B3GALT1: variants seen among roughly 807,000 people sequenced by gnomAD.
The protein encoded by B3GALT1 is UDP-Gal:betaGlcNAc beta 1,3-galactosyltransferase, polypeptide 1.
A neutral mutation model predicts 23.2 loss-of-function variants in B3GALT1; 10 were observed. The observed-to-expected ratio is 0.43, with a 90% CI of 0.27 to 0.73. B3GALT1 has a LOEUF of 0.73. Among genes scored for constraint, B3GALT1 ranks in the 30% least tolerant of loss-of-function variants. The probability of loss-of-function intolerance (pLI) is 0.21; values close to 1 mark genes in which losing one functional copy is unlikely to be tolerated. For missense variants in B3GALT1, 299 were observed against 405.4 expected (o/e 0.74, Z 2.25); for synonymous variants, 156 against 141.5 (o/e 1.10, Z -0.73).
At chr2:167,432,813 G>T (rs543715793) in intron 1 of B3GALT1, among the ~76,000 whole-genome samples, 1 of 152,146 alleles carries the variant, frequency 6.6e-6, no homozygotes, top group Non-Finnish European at 1.5e-5. Flanking sequence ...TGAGCAGGAG[G>T]TACCCAGAGT....
chr2:167,371,808 A>G lies in B3GALT1; in HGVS notation c.-511+78474A>G, dbSNP rs1029513374. Reference sequence around the variant, plus strand: ...TCTGAATCTCTAATAAGAAATATTAAGATGATATTTTTTGCTATAGCAATT... The same window carrying G: ...TCTGAATCTCTAATAAGAAATATTAGGATGATATTTTTTGCTATAGCAATT... On this transcript the variant is annotated intron_variant, in intron 1 of 4. Coordinates refer to ENST00000392690, the MANE Select transcript of B3GALT1 (RefSeq NM_020981.4). Among the ~76,000 whole-genome samples, 12 of 49,352 alleles carry G rather than the reference A, an allele frequency of 2.4e-4. No homozygotes were observed. In the Admixed American group the frequency reaches 4.0e-3, roughly 17 times the overall value. 32.4% of individuals were successfully genotyped at this position (49,352 alleles called of 152,430 possible).
At chr2:167,727,489 C>G (rs1296409163) in intron 3 of B3GALT1, among the ~76,000 whole-genome samples, 1 of 152,126 alleles carries the variant, frequency 6.6e-6, no homozygotes, top group African/African-American at 2.4e-5. Context: ...TCTTCTGATT[C>G]CCAAAGATTC....
At chr2:167,414,405 A>G (rs1175118819) in intron 1 of B3GALT1, among the ~76,000 whole-genome samples, 3 of 152,196 alleles carry the variant, frequency 2.0e-5, no homozygotes, top group Non-Finnish European at 4.4e-5. Flanking sequence ...ATAAGGTGCA[A>G]GAAACCAATT....
At chr2:167,704,183 CAAAAAA>C (rs5836157) in intron 3 of B3GALT1, among the ~76,000 whole-genome samples, 4 of 112,926 alleles carry the variant, frequency 3.5e-5, no homozygotes, top group Non-Finnish European at 6.8e-5. Context: ...TCAGTCTCAA[CAAAAAA>C]AAAAAAAAAA....
At chr2:167,517,161 C>T (rs1002679439) in intron 2 of B3GALT1, among the ~76,000 whole-genome samples, 1 of 151,820 alleles carries the variant, frequency 6.6e-6, no homozygotes, top group South Asian at 2.1e-4. Context: ...AGACTCTCCT[C>T]AGTTGAATTT....
At position 167,673,697 on chromosome 2, in the gene B3GALT1, A is replaced by G. The variant is rs1024465315; in HGVS notation, c.-352+26731A>G. On this transcript the variant is annotated intron_variant, in intron 3 of 4. Coordinates refer to ENST00000392690, the MANE Select transcript of B3GALT1 (RefSeq NM_020981.4). ...TTAAACAAATACTTTTCAAGATAGTATTAATATACCAAATTATCCAATTAG... is the reference window on the plus strand; with the variant it reads ...TTAAACAAATACTTTTCAAGATAGTGTTAATATACCAAATTATCCAATTAG... Among the ~76,000 whole-genome samples, 66 of 152,118 alleles carry G rather than the reference A, an allele frequency of 4.3e-4. 2 individuals are homozygous for G. The highest frequency in any genetic ancestry group is 1.6e-3 in the African/African-American group (65 of 41,464).
intron 2 of B3GALT1, among the ~76,000 whole-genome samples, chr2:167,518,781 T>C (rs1314598492): frequency 6.6e-6 from 1 of 152,214 alleles, no homozygotes; most frequent in Non-Finnish European, 1.5e-5. Flanking sequence ...CCTGGTACTT[T>C]CCTTACAACC....
chr2:167,345,251 T>G (rs1323643397), intron 1 of B3GALT1, among the ~76,000 whole-genome samples: 1 of 151,986 alleles, frequency 6.6e-6, no homozygotes, highest in Non-Finnish European at 1.5e-5. Context: ...TTATGATAGA[T>G]TCAAACACTA....
At chr2:167,711,562 A>T (rs1414676646) in intron 3 of B3GALT1, among the ~76,000 whole-genome samples, 1 of 152,236 alleles carries the variant, frequency 6.6e-6, no homozygotes, top group Non-Finnish European at 1.5e-5. Context: ...AAATAAAATC[A>T]TTCAGTATTT....
At chr2:167,664,785 A>C (rs555528032) in intron 3 of B3GALT1, among the ~76,000 whole-genome samples, 2 of 151,584 alleles carry the variant, frequency 1.3e-5, no homozygotes, top group African/African-American at 4.9e-5. Context: ...GTGTATAAGA[A>C]TGCTTGTGAT....
At chr2:167,693,281 G>A (rs947477905) in intron 3 of B3GALT1, among the ~76,000 whole-genome samples, 7 of 152,068 alleles carry the variant, frequency 4.6e-5, no homozygotes, top group African/African-American at 1.7e-4. Context: ...AACAAAAAAA[G>A]AGATGTCAGC....
chr2:167,413,881 G>A (rs1349223164), intron 1 of B3GALT1, among the ~76,000 whole-genome samples: 1 of 151,510 alleles, frequency 6.6e-6, no homozygotes, highest in Admixed American at 6.6e-5. Flanking sequence ...TTTCTTCTTG[G>A]TTTAAAAGGA....
chr2:167,414,015 C>A (rs1016549325), intron 1 of B3GALT1, among the ~76,000 whole-genome samples: 2 of 151,980 alleles, frequency 1.3e-5, no homozygotes, highest in Non-Finnish European at 2.9e-5. Context: ...TGTTTCCTTT[C>A]TCTATTAGGT....
chr2:167,751,543 A>G (rs760705582), intron 3 of B3GALT1, among the ~76,000 whole-genome samples: 1 of 152,196 alleles, frequency 6.6e-6, no homozygotes, highest in African/African-American at 2.4e-5. Context: ...TTAAGGAATT[A>G]GGAGTTATGA....
intron 3 of B3GALT1, among the ~76,000 whole-genome samples, chr2:167,726,671 T>C (rs138065002): frequency 6.6e-6 from 1 of 152,222 alleles, no homozygotes; most frequent in East Asian, 1.9e-4. Flanking sequence ...ATCCCCAGTT[T>C]ACAGTTGAGG....
intron 3 of B3GALT1, among the ~76,000 whole-genome samples, chr2:167,805,103 C>T (rs1212161275): frequency 2.0e-5 from 3 of 152,104 alleles, no homozygotes; most frequent in African/African-American, 7.2e-5. Context: ...TTTCATGTGT[C>T]TTTTGGCTGC....
chr2:167,853,946 A>G (rs1689953136), intron 4 of B3GALT1, among the ~76,000 whole-genome samples: 1 of 152,178 alleles, frequency 6.6e-6, no homozygotes, highest in Non-Finnish European at 1.5e-5. Flanking sequence ...CAAAAGACAC[A>G]TGCCATTTTT....
At chr2:167,357,426 CA>C (rs1359548977) in intron 1 of B3GALT1, among the ~76,000 whole-genome samples, 1 of 151,704 alleles carries the variant, frequency 6.6e-6, no homozygotes, top group African/African-American at 2.4e-5. Context: ...TTATTACTAC[CA>C]AAAATGCCGA....
intron 3 of B3GALT1, among the ~76,000 whole-genome samples, chr2:167,704,813 G>A (rs184997435): frequency 1.3e-5 from 2 of 152,190 alleles, no homozygotes; most frequent in East Asian, 1.9e-4. Flanking sequence ...ATCACAACTG[G>A]TAATCTAATT....
Sources: allele counts gnomAD v4.1 joint callset (sites outside exome capture counted in the v4.1 genomes callset), GRCh38; gene constraint gnomAD v4.1.1; transcripts MANE v1.5; gene names NCBI Gene and HGNC (gene_info 2026-07-23, HGNC 2026-07-21).